The following MINDY2 variants were observed in gnomAD, a reference collection of about 807,000 sequenced individuals.
The protein encoded by MINDY2 is ubiquitin carboxyl-terminal hydrolase MINDY-2.
In MINDY2, 52 loss-of-function variants were observed where a neutral mutation model predicts 68.2. The ratio of observed to expected loss-of-function variants is 0.76; its 90% CI spans 0.61 to 0.96. The LOEUF (loss-of-function observed/expected upper bound fraction) is 0.96, where lower values mean the gene tolerates loss of function less well. MINDY2 is among the 40% of genes least tolerant of loss of function. The pLI, the probability that MINDY2 is intolerant of heterozygous loss-of-function variation, is 0.00. For synonymous variants in MINDY2, 372 were observed against 303.0 expected (o/e 1.23, Z -2.36); for missense variants, 881 against 773.4 (o/e 1.14, Z -1.65).
intron 6 of MINDY2, among the ~76,000 whole-genome samples, chr15:58,837,609 A>T (rs985386942): frequency 1.8e-4 from 27 of 151,796 alleles, no homozygotes; most frequent in Admixed American, 1.8e-3. Context: ...TACATCTTCC[A>T]TATCTTCCTA....
chr15:58,789,076 G>A (rs949669563), intron 2 of MINDY2, among the ~76,000 whole-genome samples: 2 of 152,164 alleles, frequency 1.3e-5, no homozygotes, highest in South Asian at 2.1e-4. Flanking sequence ...GGTGGCTCAC[G>A]CCTGTAATCC....
intron 6 of MINDY2, among the ~76,000 whole-genome samples, chr15:58,836,237 CTT>C (rs778968248): frequency 3.6e-4 from 50 of 140,190 alleles, no homozygotes; most frequent in Admixed American, 4.3e-4. Flanking sequence ...AACTATAATT[CTT>C]TTTTTTTTTT....
chr15:58,811,038 C>T (rs1309613517), intron 4 of MINDY2, among the ~76,000 whole-genome samples: 1 of 152,190 alleles, frequency 6.6e-6, no homozygotes, highest in Non-Finnish European at 1.5e-5. Flanking sequence ...GAGCTGACAC[C>T]ATGTGGTTCA....
chr15:58,824,764 G>A (rs2031288102), intron 5 of MINDY2, among the ~76,000 whole-genome samples: 1 of 146,976 alleles, frequency 6.8e-6, no homozygotes, highest in African/African-American at 2.5e-5. Flanking sequence ...CTGCCCCATG[G>A]ATTCAAGCAA....
chr15:58,778,250 A>G (rs1900900858), intron 1 of MINDY2, among the ~76,000 whole-genome samples: 1 of 152,202 alleles, frequency 6.6e-6, no homozygotes, highest in Non-Finnish European at 1.5e-5. Flanking sequence ...GTCATTGTAT[A>G]GCATTTTAGT....
At position 58,772,088 on chromosome 15, in the gene MINDY2, G is replaced by C. The variant is rs1341480195; in HGVS notation, c.693G>C (p.Ala231=). 42 of 1,613,592 alleles carry C rather than the reference G, an allele frequency of 2.6e-5. No individual in the cohort carries two copies. The highest frequency in any genetic ancestry group is 3.6e-5 in the Non-Finnish European group (42 of 1,179,690). The change falls in exon 1 of 9, where the codon GCG becomes GCC. Residue 231 remains alanine, a synonymous_variant. Transcript: ENST00000559228. ...GGGAGGAGACCGCTCAGGTGCTGGC[G>C]GCCTCCAAGGAACGCTTCCCGGGAC... is the stretch of plus-strand genomic sequence containing the variant. ...EEGEETAQVL[A]ASKERFPGQS... is the part of the protein sequence containing the mutation.
chr15:58,773,839 T>C (rs181142876), intron 1 of MINDY2, among the ~76,000 whole-genome samples: 4 of 152,216 alleles, frequency 2.6e-5, no homozygotes, highest in Non-Finnish European at 5.9e-5. Flanking sequence ...ATGGATATTG[T>C]GTGTTTATAT....
chr15:58,797,778 A>T (rs1490186099), intron 2 of MINDY2, among the ~76,000 whole-genome samples: 2 of 152,168 alleles, frequency 1.3e-5, no homozygotes, highest in Non-Finnish European at 2.9e-5. Context: ...ACCTTCTGAG[A>T]CAAAATGAGC....
At chr15:58,814,545 A>G (rs654857) in intron 4 of MINDY2, among the ~76,000 whole-genome samples, 39,350 of 151,510 alleles carry the variant, frequency 0.26, 5,586 homozygotes, top group East Asian at 0.61. Context: ...TACCCTGCTC[A>G]CTTTTTAATT....
At position 58,828,246 on chromosome 15, in the gene MINDY2, A is replaced by T. The variant is rs543990082; in HGVS notation, c.1226-3528A>T. On this transcript the variant is annotated intron_variant, in intron 5 of 8. Coordinates refer to ENST00000559228, the MANE Select transcript of MINDY2 (RefSeq NM_001040450.3). ...ATAAATTGTTTTGCCCATCCTTTTG[A>T]GGAAAAAATACATTAATGTATTTGA... is the stretch of plus-strand genomic sequence containing the variant. Among the ~76,000 whole-genome samples, 20 of 152,142 alleles carry T rather than the reference A, an allele frequency of 1.3e-4. No homozygotes were observed. In the South Asian group the frequency reaches 3.9e-3, roughly 30 times the overall value.
chr15:58,851,415 T>G (rs995837025), intron 7 of MINDY2, among the ~76,000 whole-genome samples: 1 of 152,108 alleles, frequency 6.6e-6, no homozygotes, highest in Admixed American at 6.5e-5. Context: ...TTATTTTATA[T>G]TGTTTTCTTT....
chr15:58,852,312 C>T (rs2032861496), intron 8 of MINDY2, among the ~76,000 whole-genome samples: 1 of 54,730 alleles, frequency 1.8e-5, no homozygotes, highest in Non-Finnish European at 4.6e-5. Flanking sequence ...AAAAGATGAT[C>T]ACTTTAGCAG....
intron 4 of MINDY2, among the ~76,000 whole-genome samples, chr15:58,820,312 C>T (rs572977778): frequency 2.0e-4 from 30 of 151,806 alleles, no homozygotes; most frequent in African/African-American, 6.0e-4. Context: ...GGTGTGGTGG[C>T]GGGCGCCTGT....
At chr15:58,777,346 C>T (rs1318373140) in intron 1 of MINDY2, among the ~76,000 whole-genome samples, 8 of 151,948 alleles carry the variant, frequency 5.3e-5, no homozygotes, top group African/African-American at 9.7e-5. Flanking sequence ...CTGAACAAAC[C>T]GGGAGGATTT....
chr15:58,846,507 C>T (rs553497322), intron 6 of MINDY2, among the ~76,000 whole-genome samples: 54 of 150,406 alleles, frequency 3.6e-4, no homozygotes, highest in Admixed American at 1.3e-3. Context: ...GCAGGAGAAT[C>T]GCTTGAACCC....
chr15:58,834,035 T>C (rs1039375235), intron 6 of MINDY2, among the ~76,000 whole-genome samples: 3 of 152,134 alleles, frequency 2.0e-5, no homozygotes, highest in African/African-American at 7.2e-5. Flanking sequence ...TACTTGAGAT[T>C]AGGGAGTGGT....
chr15:58,771,557 G>A lies in MINDY2; in HGVS notation c.162G>A (p.Leu54=). 1 of 1,611,138 alleles carries A rather than the reference G, an allele frequency of 6.2e-7. No homozygotes were observed. Among genetic ancestry groups the A allele is most frequent in the Non-Finnish European group, 8.5e-7 (1 of 1,179,498 alleles). Residue 54 remains leucine, a synonymous_variant, in exon 1 of 9, where the codon CTG becomes CTA. Transcript: ENST00000559228. ...CGGAGACCAGCGGCGGGAATGGGCTGGGGGCGGCGGCCGCCAGGAGGAGCC... is the reference window on the plus strand; with the variant it reads ...CGGAGACCAGCGGCGGGAATGGGCTAGGGGCGGCGGCCGCCAGGAGGAGCC... ...WAAETSGGNG[L]GAAAARRSLP...
chr15:58,782,910 TG>T (rs1213543073), intron 1 of MINDY2, among the ~76,000 whole-genome samples: 2 of 106,598 alleles, frequency 1.9e-5, no homozygotes, highest in African/African-American at 3.4e-5. Flanking sequence ...TTTTTCTCTC[TG>T]TTTTTTTTTT....
intron 2 of MINDY2, among the ~76,000 whole-genome samples, chr15:58,793,551 A>T (rs1250028855): frequency 6.6e-6 from 1 of 152,240 alleles, no homozygotes; most frequent in East Asian, 1.9e-4. Context: ...TGAATTGTAC[A>T]TTTTAAGTGA....
Sources: allele counts gnomAD v4.1 joint callset (sites outside exome capture counted in the v4.1 genomes callset), GRCh38; gene constraint gnomAD v4.1.1; transcripts MANE v1.5; gene names NCBI Gene and HGNC (gene_info 2026-07-23, HGNC 2026-07-21).